The following RBFOX1 variants were observed in gnomAD, a reference collection of about 807,000 sequenced individuals.
RBFOX1 encodes the protein RNA binding protein fox-1 homolog 1.
RBFOX1 carries 8 observed loss-of-function variants against 57.7 expected under a neutral mutation model. The observed-to-expected ratio is 0.14, with a 90% CI of 0.08 to 0.25. The LOEUF (loss-of-function observed/expected upper bound fraction) is 0.25. RBFOX1 is among the 10% of genes least tolerant of loss of function. The pLI, the probability that RBFOX1 is intolerant of heterozygous loss-of-function variation, is 1.00. For missense variants in RBFOX1, 611 were observed against 548.5 expected, an observed-to-expected ratio of 1.11 and a Z score of -1.14; for synonymous variants, 326 against 222.4, an observed-to-expected ratio of 1.47 and a Z score of -4.15.
intron 2 of RBFOX1, among the ~76,000 whole-genome samples, chr16:6,619,550 A>T (rs2098195319): frequency 6.6e-6 from 1 of 152,172 alleles, no homozygotes; most frequent in Non-Finnish European, 1.5e-5. Flanking sequence ...AGCAAAAATA[A>T]GAAAAATAAG....
At chr16:7,485,230 C>T (rs1017595549) in intron 4 of RBFOX1, among the ~76,000 whole-genome samples, 1 of 152,144 alleles carries the variant, frequency 6.6e-6, no homozygotes, top group Non-Finnish European at 1.5e-5. Context: ...ATGACTAGTT[C>T]TGTTTATGCA....
chr16:5,791,609 G>A (rs1314501415), intron 3 of RBFOX1, among the ~76,000 whole-genome samples: 2 of 152,090 alleles, frequency 1.3e-5, no homozygotes, highest in African/African-American at 4.8e-5. Flanking sequence ...GGGGTCTTAA[G>A]TTACTTGACT....
At chr16:5,944,012 C>T (rs929673535) in intron 4 of RBFOX1, among the ~76,000 whole-genome samples, 4 of 151,274 alleles carry the variant, frequency 2.6e-5, no homozygotes, top group African/African-American at 9.8e-5. Context: ...TCCATCCACT[C>T]ACCCATCCAC....
At chr16:6,955,685 GTATGTATTTATT>G (rs2081652972) in intron 3 of RBFOX1, among the ~76,000 whole-genome samples, 2 of 100,508 alleles carry the variant, frequency 2.0e-5, no homozygotes, top group African/African-American at 7.2e-5. Flanking sequence ...ATTTAGGTAT[GTATGTATTTATT>G]TATTTATTTA....
At chr16:7,641,803 T>A (rs754853068) in intron 11 of RBFOX1, among the ~76,000 whole-genome samples, 1 of 152,158 alleles carries the variant, frequency 6.6e-6, no homozygotes. Context: ...TGGCCAAGTC[T>A]CCTCGCCATG....
At chr16:6,287,778 A>G (rs2077047757) in intron 1 of RBFOX1, among the ~76,000 whole-genome samples, 1 of 152,154 alleles carries the variant, frequency 6.6e-6, no homozygotes, top group Admixed American at 6.6e-5. Flanking sequence ...ATTGTCTAGA[A>G]TTAAGAACAT....
intron 4 of RBFOX1, among the ~76,000 whole-genome samples, chr16:7,079,647 C>G (rs114305772): frequency 0.01 from 1,528 of 152,240 alleles, 30 homozygotes; most frequent in African/African-American, 0.035. Context: ...GATGGAGAGA[C>G]AGCCAGGAAG....
intron 2 of RBFOX1, among the ~76,000 whole-genome samples, chr16:6,518,599 C>T (rs528803454): frequency 1.9e-4 from 29 of 152,226 alleles, no homozygotes; most frequent in African/African-American, 5.5e-4. Flanking sequence ...AAATTCAGAC[C>T]ACTTACTGCC....
chr16:7,682,303 A>G (rs776156916), intron 14 of RBFOX1, among the ~76,000 whole-genome samples: 4 of 152,228 alleles, frequency 2.6e-5, no homozygotes, highest in Middle Eastern at 3.4e-3. Flanking sequence ...ATTGTAAAAC[A>G]TGGCCATGCC....
intron 4 of RBFOX1, among the ~76,000 whole-genome samples, chr16:7,125,314 T>C (rs1031965828): frequency 5.3e-5 from 8 of 152,064 alleles, no homozygotes; most frequent in African/African-American, 1.7e-4. Context: ...GAAATCCACA[T>C]AGTGGCAAGG....
At chr16:6,963,195 C>T (rs954682374) in intron 3 of RBFOX1, among the ~76,000 whole-genome samples, 4 of 152,076 alleles carry the variant, frequency 2.6e-5, no homozygotes, top group East Asian at 1.9e-4. Context: ...TTTCGGAGTC[C>T]GTCATGCCAT....
chr16:6,011,754 C>T (rs1418803074), intron 4 of RBFOX1, among the ~76,000 whole-genome samples: 2 of 152,236 alleles, frequency 1.3e-5, no homozygotes, highest in Non-Finnish European at 2.9e-5. Flanking sequence ...CTGGTGACCA[C>T]TTTTTGCTAA....
At chr16:7,577,317 A>G (rs765769513) in intron 5 of RBFOX1, among the ~76,000 whole-genome samples, 3 of 151,998 alleles carry the variant, frequency 2.0e-5, no homozygotes, top group African/African-American at 4.8e-5. Flanking sequence ...CCCCTTGACT[A>G]TCTTTGAAAC....
intron 4 of RBFOX1, among the ~76,000 whole-genome samples, chr16:7,391,061 T>A (rs1170873288): frequency 3.3e-5 from 5 of 152,200 alleles, no homozygotes; most frequent in African/African-American, 1.2e-4. Context: ...CTGTTCCTTC[T>A]GCTCCTAGTC....
intron 4 of RBFOX1, among the ~76,000 whole-genome samples, chr16:7,090,178 T>C (rs982903808): frequency 2.0e-5 from 3 of 152,200 alleles, no homozygotes; most frequent in African/African-American, 7.2e-5. Context: ...AAAATAGTGG[T>C]TGCTACTGTC....
intron 2 of RBFOX1, among the ~76,000 whole-genome samples, chr16:6,621,084 A>G (rs567280684): frequency 1.3e-5 from 2 of 152,096 alleles, no homozygotes; most frequent in South Asian, 2.1e-4. Flanking sequence ...TAGCCACATC[A>G]TTTCAATCTC....
chr16:5,927,187 T>C (rs1005240632), intron 4 of RBFOX1, among the ~76,000 whole-genome samples: 2 of 152,206 alleles, frequency 1.3e-5, no homozygotes, highest in African/African-American at 4.8e-5. Context: ...AGTAAAACAA[T>C]GTTACTAAAT....
rs185651266 is a variant in RBFOX1 at position 7,711,923 on chromosome 16, G to T, written c.*1178G>T. On this transcript the variant is annotated 3_prime_UTR_variant, in exon 16 of 16. Transcript: ENST00000550418. ...TGAACAATCTGCAATTTTTCAGTCC[G>T]TGAGATCCTGCCCTTCCACCTCTTT... The T allele has an allele frequency of 1.2e-4, 19 of 152,544 alleles. No homozygotes were observed. Among genetic ancestry groups the T allele is most frequent in the African/African-American group, 4.3e-4 (18 of 41,524 alleles). 9.4% of individuals were successfully genotyped at this position (152,544 alleles called of 1,614,324 possible).
At chr16:7,321,305 C>T (rs562021447) in intron 4 of RBFOX1, among the ~76,000 whole-genome samples, 6 of 151,800 alleles carry the variant, frequency 4.0e-5, no homozygotes, top group South Asian at 4.2e-4. Flanking sequence ...CCACCATACC[C>T]GGCTAATTTT....
Sources: gnomAD v4.1 joint callset for allele counts (sites outside exome capture counted in the v4.1 genomes callset) on GRCh38, gnomAD v4.1.1 for gene constraint, MANE v1.5 for transcripts, NCBI Gene and HGNC (gene_info 2026-07-23, HGNC 2026-07-21) for gene names.